PNPLA7: variants seen among roughly 807,000 people sequenced by gnomAD.
PNPLA7 encodes the protein patatin-like phospholipase domain-containing protein 7.
PNPLA7 carries 153 observed loss-of-function variants against 161.7 expected under a neutral mutation model. The ratio of observed to expected loss-of-function variants is 0.95; its 90% CI spans 0.83 to 1.08. PNPLA7 has a LOEUF of 1.08. Among genes scored for constraint, PNPLA7 ranks in the 50% least tolerant of loss-of-function variants. The probability of loss-of-function intolerance (pLI) is 0.00; values close to 1 mark genes in which losing one functional copy is unlikely to be tolerated. For missense variants in PNPLA7, 1,739 were observed against 1,856.6 expected, an observed-to-expected ratio of 0.94 and a Z score of 1.16; for synonymous variants, 809 against 782.1, an observed-to-expected ratio of 1.03 and a Z score of -0.57.
At chr9:137,518,941 C>T (rs1482364100) in intron 11 of PNPLA7, among the ~76,000 whole-genome samples, 2 of 136,852 alleles carry the variant, frequency 1.5e-5, no homozygotes, top group Non-Finnish European at 1.6e-5. Context: ...TCCACTCTGT[C>T]CACTCCATCC....
intron 25 of PNPLA7, among the ~76,000 whole-genome samples, chr9:137,473,307 C>CTTAAGCAT (rs1308825993): frequency 2.8e-4 from 42 of 152,302 alleles, no homozygotes; most frequent in African/African-American, 1.0e-3. Context: ...TCCCACCTCA[C>CTTAAGCAT]ACCAGTCATG....
chr9:137,466,424 A>T (rs1389761864), intron 26 of PNPLA7, among the ~76,000 whole-genome samples: 5 of 142,898 alleles, frequency 3.5e-5, no homozygotes, highest in African/African-American at 5.3e-5. Flanking sequence ...GGCACGGATC[A>T]AACCGCCTCC....
intron 14 of PNPLA7, among the ~76,000 whole-genome samples, chr9:137,502,712 C>CGCGGGGGACGGGGGGGACGG (rs1833529242): frequency 1.2e-4 from 1 of 8,212 alleles, no homozygotes; most frequent in Non-Finnish European, 2.0e-4. Flanking sequence ...GCGGGGGACG[C>CGCGGGGGACGGGGGGGACGG]GGGGGACGCG....
At chr9:137,466,268 C>T (rs1176226075) in intron 26 of PNPLA7, among the ~76,000 whole-genome samples, 1 of 152,230 alleles carries the variant, frequency 6.6e-6, no homozygotes, top group Non-Finnish European at 1.5e-5. Flanking sequence ...TTTCCACAAT[C>T]CTGGCATCCA....
intron 8 of PNPLA7, among the ~76,000 whole-genome samples, chr9:137,526,597 C>G (rs1181196109): frequency 6.6e-6 from 1 of 152,128 alleles, no homozygotes; most frequent in African/African-American, 2.4e-5. Context: ...CTTTGTAGTA[C>G]AAATGTGAAT....
intron 9 of PNPLA7, among the ~76,000 whole-genome samples, chr9:137,522,280 G>C (rs2353071): frequency 3.4e-4 from 51 of 148,994 alleles, no homozygotes; most frequent in African/African-American, 1.1e-3. Context: ...TTCACCGTGT[G>C]AGCCAGGATG....
intron 18 of PNPLA7, among the ~76,000 whole-genome samples, chr9:137,496,148 T>C (rs866208686): frequency 0.011 from 1,714 of 151,626 alleles, 42 homozygotes; most frequent in African/African-American, 0.039. Context: ...TTTGTTTTTT[T>C]TTTTTTGAGA....
At position 137,541,236 on chromosome 9, in the gene PNPLA7, G is replaced by C. The variant is rs2132622504; in HGVS notation, c.667-514C>G. ...CCCCTCCATGAGCCCCTCCCATCTA[G>C]TCCAAAGGCCAGAGGGACACGGGTT... is the stretch of plus-strand genomic sequence containing the variant. On this transcript the variant is annotated intron_variant, in intron 7 of 34. Coordinates refer to ENST00000406427, the MANE Select transcript of PNPLA7 (RefSeq NM_001098537.3). This position sits in a 1 kb window ranked among gnomAD's most constrained non-coding sequence, Gnocchi z 4.4. Among the ~76,000 whole-genome samples, 1 of 152,230 alleles carries C rather than the reference G, an allele frequency of 6.6e-6. No individual in the cohort carries two copies. The highest frequency in any genetic ancestry group is 2.1e-4 in the South Asian group (1 of 4,826).
rs1172564436 is a variant in PNPLA7, at chr9:137,490,804, T to C, written c.2197+2209A>G. On this transcript the variant is annotated intron_variant, in intron 20 of 34. Transcript: ENST00000406427. The surrounding 1 kb of genome is among the most constrained non-coding windows in gnomAD (Gnocchi z 4.1). ...CCTAAGTTTTAAAAATCATGTTTGA[T>C]GGCTGAAAGCGAAAGTTGTAGCCCT... Among the ~76,000 whole-genome samples the C allele has an allele frequency of 1.3e-5, 2 of 152,230 alleles. No homozygotes were observed. The highest frequency in any genetic ancestry group is 2.9e-5 in the Non-Finnish European group (2 of 68,050).
chr9:137,502,793 GC>G (rs1264352387), intron 14 of PNPLA7, among the ~76,000 whole-genome samples: 1 of 134,420 alleles, frequency 7.4e-6, no homozygotes. Flanking sequence ...GGACAGGGGG[GC>G]ACTGAACGCA....
At chr9:137,491,404 T>C (rs1233016102) in intron 20 of PNPLA7, 2 of 838,092 alleles carry the variant, frequency 2.4e-6, no homozygotes, top group East Asian at 1.2e-4. Context: ...AGATAAAGAT[T>C]GTCAGAAGGG....
intron 12 of PNPLA7, chr9:137,509,543 A>G (rs1423906709): frequency 5.1e-5 from 14 of 272,996 alleles, no homozygotes; most frequent in African/African-American, 1.8e-4. Context: ...GCTGGTACGA[A>G]TGAGTTTAAC....
rs918260352 is a variant in PNPLA7, at chr9:137,520,401, A to G, written c.958-358T>C. 3.3e-5 allele frequency among the ~76,000 whole-genome samples: 5 copies of G among 152,228 alleles called. No homozygotes were observed. The highest frequency in any genetic ancestry group is 7.2e-5 in the African/African-American group (3 of 41,470). The stretch of plus-strand genomic sequence containing the variant: ...CTCAAACACTTGATCAAGTCAACAT[A>G]CTGCCCCAAATTGTCAGAACCTTAA... On this transcript the variant is annotated intron_variant, in intron 10 of 34. Transcript: ENST00000406427. The surrounding 1 kb of genome is among the most constrained non-coding windows in gnomAD (Gnocchi z 5.2).
rs998847125 is a variant in PNPLA7, at chr9:137,537,120, G to A, written c.747+3522C>T. ...CAAGAAAAGCTGCTCAGAAGGAACC[G>A]AAGCGTTTTCAGTGTGAGGGGACAG... On this transcript the variant is annotated intron_variant, in intron 8 of 34. Transcript: ENST00000406427. This position sits in a 1 kb window ranked among gnomAD's most constrained non-coding sequence, Gnocchi z 4.5. Among the ~76,000 whole-genome samples, 4 of 152,200 alleles carry A rather than the reference G, an allele frequency of 2.6e-5. No homozygotes were observed. Among genetic ancestry groups the A allele is most frequent in the Non-Finnish European group, 4.4e-5 (3 of 68,042 alleles).
chr9:137,544,346 C>T (rs1836370700), intron 4 of PNPLA7, among the ~76,000 whole-genome samples: 1 of 152,194 alleles, frequency 6.6e-6, no homozygotes, highest in Non-Finnish European at 1.5e-5. Flanking sequence ...CACTCAGGCC[C>T]CACTGCCTGC....
intron 19 of PNPLA7, among the ~76,000 whole-genome samples, chr9:137,493,988 A>T (rs976271338): frequency 6.6e-6 from 1 of 152,148 alleles, no homozygotes; most frequent in African/African-American, 2.4e-5. Flanking sequence ...TGAGTGGGAG[A>T]AGCGCTACCT....
chr9:137,470,655 C>T (rs1352529456), intron 25 of PNPLA7, among the ~76,000 whole-genome samples: 1 of 152,178 alleles, frequency 6.6e-6, no homozygotes, highest in Non-Finnish European at 1.5e-5. Flanking sequence ...AACCTTCATA[C>T]CAAACCCGGT....
intron 13 of PNPLA7, 40 bp from the exon 14 acceptor site, chr9:137,505,800 G>A: frequency 1.2e-6 from 2 of 1,609,090 alleles, no homozygotes; most frequent in Non-Finnish European, 1.7e-6. Context: ...GAAGGGATGT[G>A]GTTGGGGAAC....
chr9:137,531,968 T>C (rs1417325059), intron 8 of PNPLA7, among the ~76,000 whole-genome samples: 1 of 152,194 alleles, frequency 6.6e-6, no homozygotes, highest in African/African-American at 2.4e-5. Context: ...GGTCCTGCTA[T>C]GTTGTCTGGG....
Sources: allele counts gnomAD v4.1 joint callset (sites outside exome capture counted in the v4.1 genomes callset), GRCh38; gene constraint gnomAD v4.1.1; non-coding constraint Gnocchi (gnomAD v3.1); transcripts MANE v1.5; gene names NCBI Gene and HGNC (gene_info 2026-07-23, HGNC 2026-07-21).